The following CUBN variants were observed in gnomAD, a reference collection of about 807,000 sequenced individuals.
The protein encoded by CUBN is 460 kDa receptor.
In CUBN, 282 loss-of-function variants were observed where a neutral mutation model predicts 405.3. The observed-to-expected ratio is 0.70, with a 90% CI of 0.63 to 0.77. CUBN has a LOEUF of 0.77. Among genes scored for constraint, CUBN ranks in the 30% least tolerant of loss-of-function variants. CUBN has a pLI of 0.00. For synonymous variants in CUBN, 1,684 were observed against 1,617.0 expected (o/e 1.04, Z -0.99); for missense variants, 4,514 against 4,475.2 (o/e 1.01, Z -0.25).
intron 31 of CUBN, among the ~76,000 whole-genome samples, chr10:16,971,197 G>A (rs964939395): frequency 1.3e-5 from 2 of 152,178 alleles, no homozygotes; most frequent in Non-Finnish European, 2.9e-5. Flanking sequence ...ACAGGACCAG[G>A]ACATTAACTT....
At chr10:17,116,729 C>T (rs7900434) in intron 6 of CUBN, among the ~76,000 whole-genome samples, 88,200 of 151,762 alleles carry the variant, frequency 0.58, 26,655 homozygotes, top group Non-Finnish European at 0.67. Flanking sequence ...CCTCCAGGCA[C>T]AGGATTCGGC....
chr10:17,100,226 G>A lies in CUBN; in HGVS notation c.1544C>T (p.Thr515Ile), dbSNP rs1397515080. The A allele has an allele frequency of 1.9e-6, 3 of 1,609,992 alleles. No homozygotes were observed. Among genetic ancestry groups the A allele is most frequent in the Non-Finnish European group, 2.6e-6 (3 of 1,176,378 alleles). ...GGATTCTAACCGGAAAAAAGTGAAA[G>A]TGATACGCAGGACCTAAAAATACAA... Reference protein sequence around the residue: ...KTEMGKVLRITFTFFRLESMD... With the variant: ...KTEMGKVLRIIFTFFRLESMD... The change falls in exon 14 of 67, where the codon ACT becomes ATT. Residue 515 changes from threonine to isoleucine, a missense_variant. By Grantham distance (89) the Thr-to-Ile change is moderately conservative (BLOSUM62 -1). Transcript: ENST00000377833.
intron 31 of CUBN, among the ~76,000 whole-genome samples, chr10:16,965,194 T>C (rs1306436001): frequency 6.6e-6 from 1 of 152,206 alleles, no homozygotes; most frequent in Non-Finnish European, 1.5e-5. Flanking sequence ...ACATCTTGCC[T>C]AGGCCACTAC....
At chr10:16,855,089 C>A (rs112537284) in intron 59 of CUBN, among the ~76,000 whole-genome samples, 1 of 132,420 alleles carries the variant, frequency 7.6e-6, no homozygotes, top group African/African-American at 2.8e-5. Context: ...CCTCCCCTCC[C>A]TCCCTCCTTC....
At chr10:17,084,104 T>G (rs1836039523) in intron 17 of CUBN, among the ~76,000 whole-genome samples, 167 bp downstream of exon 17, 1 of 152,204 alleles carries the variant, frequency 6.6e-6, no homozygotes, top group Non-Finnish European at 1.5e-5. Context: ...CTATCAGCCT[T>G]ATTTGCCTGC....
intron 33 of CUBN, 64 bp from the exon 34 acceptor site, chr10:16,950,175 G>A (rs779783189): frequency 8.9e-7 from 1 of 1,119,692 alleles, no homozygotes; most frequent in Non-Finnish European, 1.3e-6. Context: ...AGGGAGATGG[G>A]GCAAGACGGG....
chr10:16,919,812 T>G, intron 44 of CUBN, 151 bp downstream of exon 44: 1 of 856,168 alleles, frequency 1.2e-6, no homozygotes, highest in South Asian at 1.5e-5. Flanking sequence ...GCTGGCCGAC[T>G]GTGTTTTCAG....
rs1262247547 is a variant in CUBN at position 16,964,189 on chromosome 10, A to C, written c.4696-9641T>G. Among the ~76,000 whole-genome samples, 5 of 152,352 alleles carry C rather than the reference A, an allele frequency of 3.3e-5. No individual in the cohort carries two copies. The South Asian group carries it at 6.2e-4, about 19-fold the overall frequency. On this transcript the variant is annotated intron_variant, in intron 31 of 66. Transcript: ENST00000377833. ...TATTTCATAGTAGAGTGTTCAATAA[A>C]GAAAAGAAAAGCTATATAAAGGAAA...
chr10:16,827,489 T>G (rs1588562303), intron 66 of CUBN, among the ~76,000 whole-genome samples: 1 of 152,260 alleles, frequency 6.6e-6, no homozygotes, highest in East Asian at 1.9e-4. Context: ...AAAAACCATC[T>G]AGATTTCCAG....
chr10:16,912,079 T>G (rs957845827), intron 48 of CUBN, among the ~76,000 whole-genome samples: 4 of 152,182 alleles, frequency 2.6e-5, no homozygotes, highest in African/African-American at 9.7e-5. Flanking sequence ...CAAAATTTCC[T>G]GGCTCTCAAA....
At chr10:16,834,876 A>G in intron 64 of CUBN, 138 bp downstream of exon 64, 1 of 985,090 alleles carries the variant, frequency 1.0e-6, no homozygotes, top group South Asian at 1.4e-5. Flanking sequence ...ATGTTTAGGG[A>G]ATGAAAGGGT....
At chr10:17,018,098 A>T (rs909596437) in intron 28 of CUBN, among the ~76,000 whole-genome samples, 1 of 152,084 alleles carries the variant, frequency 6.6e-6, no homozygotes, top group Non-Finnish European at 1.5e-5. Context: ...AACTCCGAAG[A>T]GTTGGGGGTT....
chr10:16,919,045 C>G (rs1390552068), intron 44 of CUBN, among the ~76,000 whole-genome samples: 1 of 152,174 alleles, frequency 6.6e-6, no homozygotes. Flanking sequence ...ATATTTACTT[C>G]CCTTCCATAT....
chr10:17,114,875 G>T (rs1836853015), intron 7 of CUBN, among the ~76,000 whole-genome samples: 1 of 152,104 alleles, frequency 6.6e-6, no homozygotes, highest in African/African-American at 2.4e-5. Flanking sequence ...CCTGTGTTTT[G>T]TCACTGTTAA....
chr10:16,990,549 T>C, intron 28 of CUBN, 34 bp from the exon 29 acceptor site: 1 of 1,604,162 alleles, frequency 6.2e-7, no homozygotes. Context: ...CAGTTCAAAG[T>C]GGGCAACAGC....
intron 21 of CUBN, among the ~76,000 whole-genome samples, chr10:17,066,075 T>C (rs1283859943): frequency 6.6e-6 from 1 of 152,176 alleles, no homozygotes; most frequent in African/African-American, 2.4e-5. Context: ...ATGATGACAG[T>C]ACCTACTTCA....
chr10:17,065,210 C>T lies in CUBN; in HGVS notation c.3139+298G>A, dbSNP rs180725181. Among the ~76,000 whole-genome samples the T allele has an allele frequency of 4.7e-3, 696 of 146,710 alleles. 6 individuals are homozygous for T. The highest frequency in any genetic ancestry group is 0.017 in the African/African-American group (652 of 38,978). On this transcript the variant is annotated intron_variant, in intron 22 of 66. Transcript: ENST00000377833. ...CAGCCAATTCAGAGTACTTTGGAGA[C>T]ATTATATTTCTTTACCGTCTGAAAA...
chr10:16,924,815 T>A (rs1319328749), intron 43 of CUBN, among the ~76,000 whole-genome samples: 1 of 152,096 alleles, frequency 6.6e-6, no homozygotes, highest in African/African-American at 2.4e-5. Flanking sequence ...AATCAAAAAA[T>A]TATGTGTTCT....
At chr10:16,991,554 T>C (rs1027542679) in intron 28 of CUBN, among the ~76,000 whole-genome samples, 7 of 152,030 alleles carry the variant, frequency 4.6e-5, no homozygotes, top group Non-Finnish European at 1.0e-4. Flanking sequence ...GAAAAGAAAT[T>C]ATCTTGTTTT....
Sources: gnomAD v4.1 joint callset for allele counts (sites outside exome capture counted in the v4.1 genomes callset) on GRCh38, gnomAD v4.1.1 for gene constraint, MANE v1.5 for transcripts, NCBI Gene and HGNC (gene_info 2026-07-23, HGNC 2026-07-21) for gene names.